CCDC186: variants seen among roughly 807,000 people sequenced by gnomAD.
The protein encoded by CCDC186 is coiled-coil domain-containing protein 186.
A neutral mutation model predicts 113.7 loss-of-function variants in CCDC186; 49 were observed. The ratio of observed to expected loss-of-function variants is 0.43; its 90% confidence interval spans 0.34 to 0.55. The LOEUF is 0.55. Ranked by LOEUF, CCDC186 falls within the 20% of genes least tolerant of loss-of-function variation. CCDC186 has a pLI of 0.02. For synonymous variants in CCDC186, 355 were observed against 345.8 expected (o/e 1.03, Z -0.30); for missense variants, 890 against 1,011.1 (o/e 0.88, Z 1.62).
chr10:114,164,914 T>C (rs1279229369), intron 1 of CCDC186, among the ~76,000 whole-genome samples: 5 of 152,336 alleles, frequency 3.3e-5, no homozygotes, highest in Non-Finnish European at 7.3e-5. Context: ...TAAATCACAG[T>C]GACTTGTAGA....
At chr10:114,144,233 G>C (rs530588570) in intron 6 of CCDC186, among the ~76,000 whole-genome samples, 1 of 152,172 alleles carries the variant, frequency 6.6e-6, no homozygotes, top group African/African-American at 2.4e-5. Flanking sequence ...TGCAAACTAT[G>C]AATAGTAAAA....
intron 3 of CCDC186, among the ~76,000 whole-genome samples, chr10:114,156,460 T>C (rs2032012666): frequency 6.6e-6 from 1 of 152,226 alleles, no homozygotes; most frequent in Non-Finnish European, 1.5e-5. Context: ...CAGTGGTTCA[T>C]GCCTGTAATC....
chr10:114,155,662 C>T (rs916668100), intron 3 of CCDC186, among the ~76,000 whole-genome samples: 11 of 151,196 alleles, frequency 7.3e-5, no homozygotes, highest in African/African-American at 1.2e-4. Flanking sequence ...GCAACAAGAG[C>T]GAAACCCCAT....
rs2032216793 is a variant in CCDC186 at position 114,162,789 on chromosome 10, C to A, written c.480G>T (p.Glu160Asp). Residue 160 changes from glutamate (E) to aspartate (D), a missense_variant, in exon 2 of 16, where the codon GAG becomes GAT. By Grantham distance (45) the Glu-to-Asp change is conservative. Coordinates refer to ENST00000369287, the MANE Select transcript of CCDC186 (RefSeq NM_018017.4). ...ISKIKSVSASEDLLEEIESEL... is the reference protein window; with the variant it reads ...ISKIKSVSASDDLLEEIESEL... ...CAGATTCTATTTCTTCCAACAAATC[C>A]TCTGATGCTGAAACGCTCTTTATTT... 6.2e-7 allele frequency: 1 copy of A among 1,613,754 alleles called. No individual in the cohort carries two copies. Among genetic ancestry groups the A allele is most frequent in the Non-Finnish European group, 8.5e-7 (1 of 1,179,922 alleles).
In CCDC186 at chr10:114,135,962, T is replaced by C. The variant is rs1276343339; in HGVS notation, c.1441A>G (p.Ile481Val). The C allele has an allele frequency of 1.2e-6, 2 of 1,612,934 alleles. No individual in the cohort carries two copies. The highest frequency in any genetic ancestry group is 1.7e-6 in the Non-Finnish European group (2 of 1,179,350). Reference sequence around the variant, plus strand: ...CTCTTCAGATCTTCTAGTTCCTTTATTTTGGCATGATGCATCTTTAAAAAA... The same window carrying C: ...CTCTTCAGATCTTCTAGTTCCTTTACTTTGGCATGATGCATCTTTAAAAAA... ...SDQLEMHHAKIKELEDLKRTF... is the reference protein window; with the variant it reads ...SDQLEMHHAKVKELEDLKRTF... Residue 481 changes from isoleucine to valine, a missense_variant, in exon 9 of 16, where the codon ATA (isoleucine) becomes GTA (valine). Physicochemically the swap from Ile to Val is conservative, Grantham distance 29. Transcript: ENST00000369287.
At chr10:114,147,208 A>G (rs1254079614) in intron 4 of CCDC186, among the ~76,000 whole-genome samples, 1 of 152,228 alleles carries the variant, frequency 6.6e-6, no homozygotes, top group Non-Finnish European at 1.5e-5. Context: ...ATATTCAGAT[A>G]ATGTATCATC....
chr10:114,164,065 AGTGT>A (rs747232906), intron 1 of CCDC186, among the ~76,000 whole-genome samples: 1,195 of 107,028 alleles, frequency 0.011, 16 homozygotes, highest in African/African-American at 0.031. Context: ...ACCAAGTTAG[AGTGT>A]GTGTGTGTGT....
intron 2 of CCDC186, 170 bp downstream of exon 2, chr10:114,162,467 G>T: frequency 1.9e-6 from 1 of 514,970 alleles, no homozygotes; most frequent in Non-Finnish European, 3.3e-6. Flanking sequence ...TGAAAAACTC[G>T]ACATTTGCTC....
At position 114,139,060 on chromosome 10, in the gene CCDC186, T is replaced by C. The variant is rs187335142; in HGVS notation, c.1222-1770A>G. 3.3e-4 allele frequency among the ~76,000 whole-genome samples: 50 copies of C among 152,344 alleles called. No homozygotes were observed. In the East Asian group the frequency reaches 9.2e-3, roughly 28 times the overall value. On this transcript the variant is annotated intron_variant, in intron 6 of 15. Transcript: ENST00000369287. Reference sequence around the variant, plus strand: ...TTATATGTTCCCCTAATACAGCATATAGCTTCTCGATAGCGACTAACTCAA... The same window carrying C: ...TTATATGTTCCCCTAATACAGCATACAGCTTCTCGATAGCGACTAACTCAA...
intron 1 of CCDC186, among the ~76,000 whole-genome samples, chr10:114,163,904 T>A (rs1277109983): frequency 2.0e-5 from 3 of 151,994 alleles, no homozygotes; most frequent in African/African-American, 7.3e-5. Flanking sequence ...AAAGAATCCC[T>A]GGTAGAAATT....
intron 1 of CCDC186, among the ~76,000 whole-genome samples, 182 bp from the exon 2 acceptor site, chr10:114,163,511 C>T (rs1211424293): frequency 6.6e-6 from 1 of 152,184 alleles, no homozygotes; most frequent in Non-Finnish European, 1.5e-5. Context: ...TGGCTAGCTA[C>T]AAGCAGTAGG....
At chr10:114,165,126 G>A (rs1394196805) in intron 1 of CCDC186, among the ~76,000 whole-genome samples, 1 of 152,232 alleles carries the variant, frequency 6.6e-6, no homozygotes, top group Non-Finnish European at 1.5e-5. Flanking sequence ...GCCCTCTGGG[G>A]CATCAACTAA....
chr10:114,172,790 T>C (rs1338890824), intron 1 of CCDC186, among the ~76,000 whole-genome samples: 1 of 152,220 alleles, frequency 6.6e-6, no homozygotes. Flanking sequence ...TTACTGTTTT[T>C]TATTTGTGTA....
chr10:114,158,919 TC>T (rs1329958259), intron 2 of CCDC186, among the ~76,000 whole-genome samples: 1 of 152,100 alleles, frequency 6.6e-6, no homozygotes, highest in African/African-American at 2.4e-5. Context: ...CAGCAAATAG[TC>T]CCTGCCCTCG....
chr10:114,159,656 A>T (rs1462610293), intron 2 of CCDC186, among the ~76,000 whole-genome samples: 3 of 151,472 alleles, frequency 2.0e-5, no homozygotes, highest in African/African-American at 7.3e-5. Flanking sequence ...AAAAAAAAAA[A>T]AAAAAAAAGA....
chr10:114,163,340 G>T lies in CCDC186; in HGVS notation c.-61-11C>A. 2 of 1,531,244 alleles carry T rather than the reference G, an allele frequency of 1.3e-6. No individual in the cohort carries two copies. The allele number at this position is 1,531,244 out of a possible 1,614,324, so 94.9% of individuals were successfully genotyped here. On this transcript the variant is annotated splice_polypyrimidine_tract_variant and intron_variant, in intron 1 of 15. Transcript: ENST00000369287. ...ATCTTCGTTTTACATCTAAGAAATT[G>T]AAACATCAAAATTAAAAACCACTTT...
chr10:114,131,359 A>C (rs746942063), intron 11 of CCDC186, 23 bp from the exon 12 acceptor site: 5 of 1,516,116 alleles, frequency 3.3e-6, no homozygotes, highest in African/African-American at 1.4e-5. Context: ...TAAAACAAAA[A>C]CCACCAATTT....
intron 10 of CCDC186, among the ~76,000 whole-genome samples, chr10:114,133,515 A>T (rs938538380): frequency 6.6e-6 from 1 of 152,196 alleles, no homozygotes; most frequent in Non-Finnish European, 1.5e-5. Context: ...AGTTGGGATC[A>T]CCCAAAGTTA....
chr10:114,121,285 T>C lies in CCDC186; in HGVS notation c.*3858A>G, dbSNP rs1447686228. 6.6e-6 allele frequency: 1 copy of C among 152,174 alleles called. No individual in the cohort carries two copies. The highest frequency in any genetic ancestry group is 2.4e-5 in the African/African-American group (1 of 41,460). The allele number at this position is 152,174 out of a possible 1,614,324, so 9.4% of individuals were successfully genotyped here. ...AAAAATTGCTTTTAAAAAAAGGTTA[T>C]TGAAAAATAGGCTACATAAAGCATA... On this transcript the variant is annotated 3_prime_UTR_variant, in exon 16 of 16. Transcript: ENST00000369287.
Sources: gnomAD v4.1 joint callset for allele counts (sites outside exome capture counted in the v4.1 genomes callset) on GRCh38, gnomAD v4.1.1 for gene constraint, MANE v1.5 for transcripts, NCBI Gene and HGNC (gene_info 2026-07-23, HGNC 2026-07-21) for gene names.